The following CDS2 variants were observed in gnomAD, a reference collection of about 807,000 sequenced individuals.
CDS2 encodes CDP-diacylglycerol synthase 2, also known as phosphatidate cytidylyltransferase 2.
In CDS2, 47 loss-of-function variants were observed where a neutral mutation model predicts 59.0. The observed-to-expected ratio is 0.80, with a 90% CI of 0.63 to 1.02. The LOEUF (loss-of-function observed/expected upper bound fraction) is 1.02. Among genes scored for constraint, CDS2 ranks in the 50% least tolerant of loss-of-function variants. CDS2 has a pLI of 0.00. For synonymous variants in CDS2, 207 were observed against 206.4 expected (o/e 1.00, Z -0.02); for missense variants, 356 against 558.9 (o/e 0.64, Z 3.66).
At chr20:5,132,361 G>A (rs2090614530) in intron 1 of CDS2, among the ~76,000 whole-genome samples, 1 of 152,164 alleles carries the variant, frequency 6.6e-6, no homozygotes, top group South Asian at 2.1e-4. Context: ...GCCTCCTGAA[G>A]TGCTGGGATT....
At chr20:5,169,441 G>C (rs779575527) in intron 1 of CDS2, among the ~76,000 whole-genome samples, 5 of 152,248 alleles carry the variant, frequency 3.3e-5, no homozygotes, top group African/African-American at 7.2e-5. Flanking sequence ...TCTCAGTGTA[G>C]TCTGGACACT....
Position 5,192,248 on chromosome 20 carries a change from A to G in CDS2, c.*2014A>G, listed in dbSNP as rs1171961354. On this transcript the variant is annotated 3_prime_UTR_variant, in exon 13 of 13. Transcript: ENST00000460006. Reference sequence around the variant, plus strand: ...GGAGTCTCAGCTGGGGCCTGGCTGCAGAGACCTGCTCTTGAATAGGGCTGC... The same window carrying G: ...GGAGTCTCAGCTGGGGCCTGGCTGCGGAGACCTGCTCTTGAATAGGGCTGC... 1.3e-5 allele frequency: 2 copies of G among 152,046 alleles called. No homozygotes were observed. The highest frequency in any genetic ancestry group is 6.6e-5 in the Admixed American group (1 of 15,230). The allele number at this position is 152,046 out of a possible 1,614,324, so 9.4% of individuals were successfully genotyped here.
At chr20:5,143,908 G>T (rs984135671) in intron 1 of CDS2, among the ~76,000 whole-genome samples, 1 of 151,916 alleles carries the variant, frequency 6.6e-6, no homozygotes, top group African/African-American at 2.4e-5. Flanking sequence ...GGGACTTCAG[G>T]ACTGTGCCAC....
rs1359059775 is a variant in CDS2 at position 5,190,994 on chromosome 20, A to C, written c.*760A>C. The C allele has an allele frequency of 6.6e-6, 1 of 152,612 alleles. No homozygotes were observed. Among genetic ancestry groups the C allele is most frequent in the African/African-American group, 2.4e-5 (1 of 41,436 alleles). The allele number at this position is 152,612 out of a possible 1,614,324, so 9.5% of individuals were successfully genotyped here. On this transcript the variant is annotated 3_prime_UTR_variant, in exon 13 of 13. Transcript: ENST00000460006. ...ATGTCTAGGCTCCAATGTCTCCTGT[A>C]GGTCCACCTAACTGTGTGTTTTCAG...
rs114183112 is a variant in CDS2, at chr20:5,147,679, C to T, written c.57+20530C>T. On this transcript the variant is annotated intron_variant, in intron 1 of 12. Transcript: ENST00000460006. The stretch of plus-strand genomic sequence containing the variant: ...ATAACCTACCAAAGTGCTGGAATTA[C>T]AGGTGTGAGCCACCCTGTCTGGCCA... Among the ~76,000 whole-genome samples the T allele has an allele frequency of 4.6e-3, 705 of 152,206 alleles. 5 individuals are homozygous for T. Among genetic ancestry groups the T allele is most frequent in the African/African-American group, 0.016 (649 of 41,552 alleles).
chr20:5,185,089 G>C (rs1400557004), intron 8 of CDS2, 144 bp downstream of exon 8: 1 of 638,656 alleles, frequency 1.6e-6, no homozygotes. Flanking sequence ...AAAGGCCAAA[G>C]GAAAACACTG....
intron 1 of CDS2, among the ~76,000 whole-genome samples, chr20:5,143,863 C>A (rs189476663): frequency 1.6e-3 from 247 of 150,828 alleles, no homozygotes; most frequent in African/African-American, 5.8e-3. Context: ...CTCCTGGGTT[C>A]AAGCGATTTT....
chr20:5,130,592 C>T (rs774633018), intron 1 of CDS2, among the ~76,000 whole-genome samples: 6 of 150,602 alleles, frequency 4.0e-5, no homozygotes, highest in South Asian at 2.1e-4. Context: ...GCCTGACCAA[C>T]GGGGTTTTAG....
At chr20:5,166,719 G>T (rs1189420696) in intron 1 of CDS2, among the ~76,000 whole-genome samples, 1 of 152,168 alleles carries the variant, frequency 6.6e-6, no homozygotes, top group Non-Finnish European at 1.5e-5. Flanking sequence ...ATTAAAAGCT[G>T]CTGAGGGATT....
At chr20:5,181,688 T>C (rs928918520) in intron 5 of CDS2, among the ~76,000 whole-genome samples, 2 of 152,168 alleles carry the variant, frequency 1.3e-5, no homozygotes, top group Admixed American at 6.5e-5. Flanking sequence ...CATTGTAGAG[T>C]GTACTTATGC....
At chr20:5,144,216 A>G (rs1568530073) in intron 1 of CDS2, among the ~76,000 whole-genome samples, 1 of 152,232 alleles carries the variant, frequency 6.6e-6, no homozygotes, top group Admixed American at 6.5e-5. Context: ...TATAATCTAC[A>G]TAAACAACTA....
At chr20:5,143,629 C>CTTCTTT (rs1568529873) in intron 1 of CDS2, among the ~76,000 whole-genome samples, 1 of 99,646 alleles carries the variant, frequency 1.0e-5, no homozygotes, top group African/African-American at 4.1e-5. Flanking sequence ...TCTTCTTCTT[C>CTTCTTT]TTTTTTTTTT....
chr20:5,153,051 T>G (rs1026788871), intron 1 of CDS2, among the ~76,000 whole-genome samples: 6 of 152,186 alleles, frequency 3.9e-5, no homozygotes, highest in African/African-American at 1.4e-4. Context: ...GTAGTTTAGT[T>G]TACAATATTT....
intron 4 of CDS2, 21 bp from the exon 5 acceptor site, chr20:5,178,796 A>G (rs367640921): frequency 6.5e-5 from 105 of 1,613,908 alleles, no homozygotes; most frequent in East Asian, 1.1e-4. Flanking sequence ...CCCCACGGCA[A>G]TGACCTGTCT....
intron 1 of CDS2, among the ~76,000 whole-genome samples, chr20:5,133,365 C>T (rs2090623453): frequency 6.6e-6 from 1 of 151,990 alleles, no homozygotes; most frequent in Non-Finnish European, 1.5e-5. Context: ...CATCCTCCTA[C>T]CTCAGTCTCC....
intron 4 of CDS2, among the ~76,000 whole-genome samples, chr20:5,177,677 A>G (rs1184300716): frequency 2.0e-5 from 3 of 152,034 alleles, no homozygotes; most frequent in Non-Finnish European, 4.4e-5. Flanking sequence ...CCGGCTGGAG[A>G]GCAGTGGTTT....
chr20:5,152,172 G>A (rs2090797891), intron 1 of CDS2, among the ~76,000 whole-genome samples: 1 of 151,266 alleles, frequency 6.6e-6, no homozygotes, highest in African/African-American at 2.4e-5. Context: ...TTTTGTTCAA[G>A]TTTTTTTTTC....
At chr20:5,187,064 T>C in intron 10 of CDS2, 1 of 264,222 alleles carries the variant, frequency 3.8e-6, no homozygotes, top group Non-Finnish European at 7.7e-6. Flanking sequence ...GTTCTGTGGA[T>C]CCCTGGAGGG....
intron 2 of CDS2, 98 bp from the exon 3 acceptor site, chr20:5,175,085 C>T: frequency 1.2e-6 from 1 of 862,228 alleles, no homozygotes; most frequent in Middle Eastern, 2.4e-4. Context: ...GAGCTCAGGG[C>T]CCTCATCTCA....
Sources: allele counts gnomAD v4.1 joint callset (sites outside exome capture counted in the v4.1 genomes callset), GRCh38; gene constraint gnomAD v4.1.1; transcripts MANE v1.5; gene names NCBI Gene and HGNC (gene_info 2026-07-23, HGNC 2026-07-21).